The following PAX5 variants were observed in gnomAD, a reference collection of about 807,000 sequenced individuals.
The protein encoded by PAX5 is paired box protein Pax-5.
PAX5 carries 9 observed loss-of-function variants against 43.7 expected under a neutral mutation model. The ratio of observed to expected loss-of-function variants is 0.21; its 90% CI spans 0.12 to 0.36. The LOEUF is 0.36. Ranked by LOEUF, PAX5 falls within the 10% of genes least tolerant of loss-of-function variation. The probability of loss-of-function intolerance (pLI) is 1.00; values close to 1 mark genes in which losing one functional copy is unlikely to be tolerated. For missense variants in PAX5, 383 were observed against 532.7 expected, an observed-to-expected ratio of 0.72 and a Z score of 2.77; for synonymous variants, 228 against 214.3, an observed-to-expected ratio of 1.06 and a Z score of -0.56.
rs1309953274 is a variant in PAX5, at chr9:36,837,246, A to G, written c.*3314T>C. 2.6e-5 allele frequency: 6 copies of G among 233,120 alleles called. No homozygotes were observed. Among genetic ancestry groups the G allele is most frequent in the Non-Finnish European group, 5.1e-5 (6 of 118,036 alleles). The allele number at this position is 233,120 out of a possible 1,614,324, so 14.4% of individuals were successfully genotyped here. The stretch of plus-strand genomic sequence containing the variant: ...CAATTTCCCCGTCTATAAAGTAGGC[A>G]TCATGCTCTTTGCTCCACAGAGTGG... On this transcript the variant is annotated 3_prime_UTR_variant, in exon 10 of 10. Transcript: ENST00000358127.
intron 6 of PAX5, among the ~76,000 whole-genome samples, chr9:36,936,845 C>T (rs1024433055): frequency 4.5e-5 from 3 of 66,264 alleles, no homozygotes; most frequent in African/African-American, 8.4e-5. Context: ...CACACACACA[C>T]ACATGCACAC....
chr9:36,883,451 G>A (rs1384664829), intron 7 of PAX5, among the ~76,000 whole-genome samples: 2 of 152,178 alleles, frequency 1.3e-5, no homozygotes. Context: ...AAAGGCTGAG[G>A]TCAGGAGTTC....
intron 5 of PAX5, among the ~76,000 whole-genome samples, chr9:37,001,314 T>C (rs945257386): frequency 6.6e-6 from 1 of 152,084 alleles, no homozygotes; most frequent in African/African-American, 2.4e-5. Flanking sequence ...TCTCACACAA[T>C]CTGTCCCTCC....
chr9:36,907,103 G>T (rs893254004), intron 7 of PAX5, among the ~76,000 whole-genome samples: 1 of 152,156 alleles, frequency 6.6e-6, no homozygotes, highest in Non-Finnish European at 1.5e-5. Context: ...AAGCAGGACC[G>T]TAGAGGAGTT....
At chr9:36,841,185 A>C (rs1822014291) in intron 9 of PAX5, among the ~76,000 whole-genome samples, 1 of 152,078 alleles carries the variant, frequency 6.6e-6, no homozygotes, top group African/African-American at 2.4e-5. Context: ...TCCTGCCCAC[A>C]CTCATATATC....
At chr9:36,877,687 C>G (rs543187579) in intron 8 of PAX5, among the ~76,000 whole-genome samples, 1 of 152,290 alleles carries the variant, frequency 6.6e-6, no homozygotes, top group South Asian at 2.1e-4. Flanking sequence ...CGAGAGGTCA[C>G]AAATCAGCAT....
chr9:36,852,112 C>T (rs988898822), intron 8 of PAX5, among the ~76,000 whole-genome samples: 1 of 152,212 alleles, frequency 6.6e-6, no homozygotes, highest in Admixed American at 6.5e-5. Flanking sequence ...AATGACTTCA[C>T]GTTTGCAGAT....
chr9:37,015,649 G>A lies in PAX5; in HGVS notation c.213-455C>T, dbSNP rs1375444167. On this transcript the variant is annotated intron_variant, in intron 2 of 9. Transcript: ENST00000358127. The surrounding 1 kb of genome is among the most constrained non-coding windows in gnomAD (Gnocchi z 4.4). ...GGCTGGAATGCAATGGCGTGATCTT[G>A]GCTCACTGCAACCTCCGCCTCCTGG... is the stretch of plus-strand genomic sequence containing the variant. Among the ~76,000 whole-genome samples, 1 of 150,466 alleles carries A rather than the reference G, an allele frequency of 6.6e-6. No individual in the cohort carries two copies. Among genetic ancestry groups the A allele is most frequent in the Non-Finnish European group, 1.5e-5 (1 of 67,824 alleles).
At chr9:37,013,745 G>A (rs962498821) in intron 3 of PAX5, among the ~76,000 whole-genome samples, 7 of 152,154 alleles carry the variant, frequency 4.6e-5, no homozygotes, top group Non-Finnish European at 7.4e-5. Flanking sequence ...AAGAAACTGT[G>A]TGCCTGATTC....
intron 6 of PAX5, among the ~76,000 whole-genome samples, chr9:36,955,688 G>A (rs576092720): frequency 3.3e-5 from 5 of 151,170 alleles, no homozygotes; most frequent in African/African-American, 1.2e-4. Flanking sequence ...TGGGCCACCA[G>A]GACATTAGCT....
chr9:36,981,604 A>C (rs1249764025), intron 5 of PAX5, among the ~76,000 whole-genome samples: 1 of 152,232 alleles, frequency 6.6e-6, no homozygotes, highest in Non-Finnish European at 1.5e-5. Flanking sequence ...CCCTGAGGGA[A>C]AACAGTGGGG....
chr9:36,904,532 A>G (rs1828661619), intron 7 of PAX5, among the ~76,000 whole-genome samples: 1 of 152,140 alleles, frequency 6.6e-6, no homozygotes, highest in Non-Finnish European at 1.5e-5. Flanking sequence ...TAGAAGTTCT[A>G]TGGCCTCACA....
At chr9:36,957,040 A>T (rs965808197) in intron 6 of PAX5, among the ~76,000 whole-genome samples, 1 of 151,840 alleles carries the variant, frequency 6.6e-6, no homozygotes, top group Non-Finnish European at 1.5e-5. Context: ...CCACCCTCTT[A>T]TAGCTCCCTG....
chr9:36,999,296 T>C (rs1837651988), intron 5 of PAX5, among the ~76,000 whole-genome samples: 1 of 152,148 alleles, frequency 6.6e-6, no homozygotes, highest in Non-Finnish European at 1.5e-5. Context: ...TTTACCCAGC[T>C]CTCAAATGCC....
At chr9:36,981,013 C>T (rs769569892) in intron 5 of PAX5, among the ~76,000 whole-genome samples, 45 of 152,112 alleles carry the variant, frequency 3.0e-4, no homozygotes, top group Admixed American at 1.4e-3. Flanking sequence ...CACTCGCCTC[C>T]ATAGGGTTCC....
At chr9:36,845,796 T>G (rs1303599375) in intron 9 of PAX5, among the ~76,000 whole-genome samples, 2 of 152,188 alleles carry the variant, frequency 1.3e-5, no homozygotes, top group East Asian at 3.8e-4. Flanking sequence ...CAACTTGAGT[T>G]TGAAGACACC....
Position 36,836,705 on chromosome 9 carries a change from C to G in PAX5, c.*3855G>C. On this transcript the variant is annotated 3_prime_UTR_variant, in exon 10 of 10. Transcript: ENST00000358127. Reference sequence around the variant, plus strand: ...CTGTGTTTCCAGGGGCTGTGGACACCCTGGTGGCCCTGGCTTGGGCACTCC... The same window carrying G: ...CTGTGTTTCCAGGGGCTGTGGACACGCTGGTGGCCCTGGCTTGGGCACTCC... The G allele has an allele frequency of 4.3e-6, 1 of 231,720 alleles. No homozygotes were observed. Among genetic ancestry groups the G allele is most frequent in the Non-Finnish European group, 8.5e-6 (1 of 117,142 alleles). The allele number at this position is 231,720 out of a possible 1,614,324, so 14.4% of individuals were successfully genotyped here. A position where few individuals can be genotyped will look rare whatever the true frequency, so the allele number is the denominator to read the frequency against.
At chr9:36,869,786 T>C (rs1030677369) in intron 8 of PAX5, among the ~76,000 whole-genome samples, 1 of 151,874 alleles carries the variant, frequency 6.6e-6, no homozygotes, top group African/African-American at 2.4e-5. Context: ...AAGGAAGCGA[T>C]AGTGGATGGA....
intron 8 of PAX5, among the ~76,000 whole-genome samples, chr9:36,864,559 T>TGAGTCAGGGGACCCC (rs1206997573): frequency 1.1e-4 from 16 of 152,318 alleles, no homozygotes; most frequent in South Asian, 4.1e-4. Context: ...AGCCGGACCC[T>TGAGTCAGGGGACCCC]GAGTCAGGGG....
Sources: gnomAD v4.1 joint callset for allele counts (sites outside exome capture counted in the v4.1 genomes callset) on GRCh38, gnomAD v4.1.1 for gene constraint, Gnocchi (gnomAD v3.1) non-coding constraint, MANE v1.5 for transcripts, NCBI Gene and HGNC (gene_info 2026-07-23, HGNC 2026-07-21) for gene names.